EDNRA: variants seen among roughly 807,000 people sequenced by gnomAD.
EDNRA encodes the protein endothelin-1 receptor.
EDNRA carries 11 observed loss-of-function variants against 41.4 expected under a neutral mutation model. The ratio of observed to expected loss-of-function variants is 0.27; its 90% confidence interval spans 0.17 to 0.44. EDNRA has a LOEUF of 0.44. EDNRA is among the 20% of genes least tolerant of loss of function. The pLI, the probability that EDNRA is intolerant of heterozygous loss-of-function variation, is 1.00. For missense variants in EDNRA, 294 were observed against 531.0 expected, an observed-to-expected ratio of 0.55 and a Z score of 4.39; for synonymous variants, 172 against 183.0, an observed-to-expected ratio of 0.94 and a Z score of 0.49.
At chr4:147,541,086 A>G (rs1310861905) in intron 7 of EDNRA, among the ~76,000 whole-genome samples, 1 of 147,052 alleles carries the variant, frequency 6.8e-6, no homozygotes, top group East Asian at 1.9e-4. Context: ...AAAAAAAAAA[A>G]AAAAAAAAAG....
chr4:147,483,084 A>C (rs1044536834), intron 1 of EDNRA, among the ~76,000 whole-genome samples: 2 of 152,358 alleles, frequency 1.3e-5, no homozygotes, highest in East Asian at 3.9e-4. Context: ...GATGACAAGA[A>C]GCTTTTCTCT....
Position 147,543,504 on chromosome 4 carries a change from A to G in EDNRA, c.*886A>G, listed in dbSNP as rs1157069177. The G allele has an allele frequency of 6.6e-6, 1 of 152,238 alleles. No individual in the cohort carries two copies. The highest frequency in any genetic ancestry group is 6.5e-5 in the Admixed American group (1 of 15,284). 9.4% of individuals were successfully genotyped at this position (152,238 alleles called of 1,614,324 possible). On this transcript the variant is annotated 3_prime_UTR_variant, in exon 8 of 8. Coordinates refer to ENST00000651419, the MANE Select transcript of EDNRA (RefSeq NM_001957.4). ...AAATTTTGTATGAAAAATCAATGTC[A>G]AGTACCAAAATGTTAATGTATGTGT...
At chr4:147,489,461 C>CAAG (rs1246552171) in intron 2 of EDNRA, 2 of 152,044 alleles carry the variant, frequency 1.3e-5, no homozygotes, top group Non-Finnish European at 2.9e-5. Context: ...AATAATGTTA[C>CAAG]AAGAAGAAGA....
chr4:147,532,325 C>CAAAA lies in EDNRA; in HGVS notation c.549-159_549-156dup, dbSNP rs59851236. Among the ~76,000 whole-genome samples, 303 of 60,366 alleles carry CAAAA rather than the reference C, an allele frequency of 5.0e-3. 4 individuals carry two copies. The highest frequency in any genetic ancestry group is 0.015 in the African/African-American group (246 of 15,942). 39.6% of individuals were successfully genotyped at this position (60,366 alleles called of 152,430 possible). A position where few individuals can be genotyped will look rare whatever the true frequency, so the allele number is the denominator to read the frequency against. ...TGAGCAACAGAGCGAGATTTTGCCTCAAAAAAAAAAAAAAAAAAAAAAAAA... is the reference window on the plus strand; with the variant it reads ...TGAGCAACAGAGCGAGATTTTGCCTCAAAAAAAAAAAAAAAAAAAAAAAAAAAAA... On this transcript the variant is annotated intron_variant, in intron 3 of 7. Transcript: ENST00000651419.
At chr4:147,525,295 T>C (rs1000194974) in intron 3 of EDNRA, among the ~76,000 whole-genome samples, 17 of 152,364 alleles carry the variant, frequency 1.1e-4, no homozygotes, top group African/African-American at 3.8e-4. Flanking sequence ...TCATTGCTAA[T>C]TTCAACTATG....
At chr4:147,511,940 A>G (rs1729942883) in intron 2 of EDNRA, among the ~76,000 whole-genome samples, 1 of 152,178 alleles carries the variant, frequency 6.6e-6, no homozygotes, top group South Asian at 2.1e-4. Flanking sequence ...GTAGGGCTCC[A>G]CTCACAACAC....
chr4:147,534,704 C>T (rs1730861091), intron 4 of EDNRA, among the ~76,000 whole-genome samples: 1 of 152,160 alleles, frequency 6.6e-6, no homozygotes, highest in African/African-American at 2.4e-5. Flanking sequence ...TGAATAAACA[C>T]AATATTACTA....
At chr4:147,521,263 T>C (rs1730314625) in intron 3 of EDNRA, among the ~76,000 whole-genome samples, 1 of 152,134 alleles carries the variant, frequency 6.6e-6, no homozygotes, top group East Asian at 1.9e-4. Flanking sequence ...CAAAAAATAA[T>C]TTCATTAGTA....
intron 2 of EDNRA, chr4:147,506,745 G>T: frequency 3.3e-6 from 1 of 299,728 alleles, no homozygotes; most frequent in East Asian, 9.5e-5. Context: ...ACATCACCAA[G>T]GAGAAGAAAT....
rs1731151052 is a variant in EDNRA, at chr4:147,542,715, T to C, written c.*97T>C. 1.4e-6 allele frequency: 2 copies of C among 1,469,752 alleles called. No homozygotes were observed. The highest frequency in any genetic ancestry group is 1.8e-6 in the Non-Finnish European group (2 of 1,094,506). 91.0% of individuals were successfully genotyped at this position (1,469,752 alleles called of 1,614,324 possible). A position where few individuals can be genotyped will look rare whatever the true frequency, so the allele number is the denominator to read the frequency against. ...CCGGGAATCTCTTCTCTGATCCTTC[T>C]TCCTTAATTCACTCCCACACCCAAG... On this transcript the variant is annotated 3_prime_UTR_variant, in exon 8 of 8. Coordinates refer to ENST00000651419, the MANE Select transcript of EDNRA (RefSeq NM_001957.4).
chr4:147,485,066 A>T (rs1279155994), intron 1 of EDNRA, among the ~76,000 whole-genome samples: 1 of 151,490 alleles, frequency 6.6e-6, no homozygotes, highest in South Asian at 2.1e-4. Flanking sequence ...TGTACCCTTT[A>T]CTCAGCATAT....
intron 3 of EDNRA, among the ~76,000 whole-genome samples, chr4:147,522,454 C>T (rs1730359764): frequency 6.6e-6 from 1 of 151,902 alleles, no homozygotes; most frequent in Non-Finnish European, 1.5e-5. Context: ...ACAAGAATCG[C>T]TTGAACCCGG....
intron 2 of EDNRA, among the ~76,000 whole-genome samples, chr4:147,487,277 G>C (rs1168720217): frequency 6.6e-6 from 1 of 152,132 alleles, no homozygotes; most frequent in Non-Finnish European, 1.5e-5. Context: ...AACTATATCA[G>C]AGACTACTTA....
At chr4:147,527,665 A>G (rs115739265) in intron 3 of EDNRA, among the ~76,000 whole-genome samples, 1,651 of 152,380 alleles carry the variant, frequency 0.011, 15 homozygotes, top group Non-Finnish European at 0.017. Flanking sequence ...ATAAACATGC[A>G]TTAAATGCCT....
chr4:147,491,976 T>A (rs1729153878), intron 2 of EDNRA: 1 of 152,272 alleles, frequency 6.6e-6, no homozygotes, highest in South Asian at 2.1e-4. Context: ...ATACTCCAGC[T>A]AACCTGGTCT....
chr4:147,494,818 A>C (rs1027536439), intron 2 of EDNRA: 1 of 152,176 alleles, frequency 6.6e-6, no homozygotes, highest in Admixed American at 6.5e-5. Context: ...AAGTTTTTGG[A>C]AAGTTATGTC....
At chr4:147,537,985 G>A (rs1205516867) in intron 5 of EDNRA, among the ~76,000 whole-genome samples, 1 of 152,130 alleles carries the variant, frequency 6.6e-6, no homozygotes, top group Non-Finnish European at 1.5e-5. Flanking sequence ...TTGCTTGGTT[G>A]TCTCTAATTT....
chr4:147,518,640 C>A (rs1730202698), intron 2 of EDNRA, among the ~76,000 whole-genome samples: 1 of 151,862 alleles, frequency 6.6e-6, no homozygotes, highest in Non-Finnish European at 1.5e-5. Context: ...TCAAAGGACT[C>A]GTGTTATGGA....
At chr4:147,481,747 C>G (rs1728766264) in intron 1 of EDNRA, among the ~76,000 whole-genome samples, 1 of 152,218 alleles carries the variant, frequency 6.6e-6, no homozygotes, top group Admixed American at 6.5e-5. Context: ...CTTGCTCCAG[C>G]GCCTTCTTGT....
Sources: allele counts gnomAD v4.1 joint callset (sites outside exome capture counted in the v4.1 genomes callset), GRCh38; gene constraint gnomAD v4.1.1; transcripts MANE v1.5; gene names NCBI Gene and HGNC (gene_info 2026-07-23, HGNC 2026-07-21).